DOCK1: variants seen among roughly 807,000 people sequenced by gnomAD.
The protein encoded by DOCK1 is dedicator of cytokinesis 1.
In DOCK1, 138 loss-of-function variants were observed where a neutral mutation model predicts 262.7. The observed-to-expected ratio is 0.53, with a 90% CI of 0.46 to 0.61. DOCK1 has a LOEUF of 0.61. DOCK1 is among the 20% of genes least tolerant of loss of function. The probability of loss-of-function intolerance (pLI) is 0.00; values close to 1 mark genes in which losing one functional copy is unlikely to be tolerated. For missense variants in DOCK1, 1,908 were observed against 2,370.7 expected (o/e 0.80, Z 4.05); for synonymous variants, 866 against 867.4 (o/e 1.00, Z 0.03).
At chr10:127,048,738 T>C (rs1564761865) in intron 21 of DOCK1, among the ~76,000 whole-genome samples, 1 of 152,226 alleles carries the variant, frequency 6.6e-6, no homozygotes, top group Non-Finnish European at 1.5e-5. Context: ...CAGGTTTCCA[T>C]CACTGTAGAA....
intron 27 of DOCK1, chr10:127,137,695 G>A (rs752089894): frequency 2.6e-5 from 18 of 685,056 alleles, no homozygotes; most frequent in Non-Finnish European, 4.4e-5. Flanking sequence ...TGGTACAAAG[G>A]CCTTTTTGGT....
intron 29 of DOCK1, among the ~76,000 whole-genome samples, chr10:127,278,705 A>C (rs574330140): frequency 6.6e-6 from 1 of 152,292 alleles, no homozygotes; most frequent in Non-Finnish European, 1.5e-5. Context: ...AGAGGAACTT[A>C]ACTTTGTTTT....
At chr10:127,239,585 T>C (rs2059190702) in intron 27 of DOCK1, among the ~76,000 whole-genome samples, 2 of 152,174 alleles carry the variant, frequency 1.3e-5, no homozygotes, top group Non-Finnish European at 2.9e-5. Context: ...ACAATGATAA[T>C]TGTAGTGTCC....
intron 51 of DOCK1, among the ~76,000 whole-genome samples, chr10:127,449,302 T>G (rs952940154): frequency 1.3e-5 from 2 of 152,110 alleles, no homozygotes; most frequent in Non-Finnish European, 2.9e-5. Flanking sequence ...GGTCACATTC[T>G]CTTCTCTCTA....
intron 28 of DOCK1, among the ~76,000 whole-genome samples, chr10:127,252,142 G>A (rs61872145): frequency 2.1e-5 from 3 of 141,772 alleles, no homozygotes; most frequent in African/African-American, 5.0e-5. Flanking sequence ...GCCAGTGATG[G>A]TGAGCATTTT....
rs1348695184 is a variant in DOCK1, at chr10:127,397,162, A to G, written c.3928-5893A>G. On this transcript the variant is annotated intron_variant, in intron 38 of 51. Coordinates refer to ENST00000623213, the MANE Select transcript of DOCK1 (RefSeq NM_001290223.2). ...ATCAGTTACACGGGCAGCGACTCCT[A>G]TGTGATCTGAGCATGAGTTACACGG... Among the ~76,000 whole-genome samples, 3 of 135,852 alleles carry G rather than the reference A, an allele frequency of 2.2e-5. No individual in the cohort carries two copies. The Admixed American group carries it at 2.2e-4, about 10-fold the overall frequency. The allele number at this position is 135,852 out of a possible 152,430, so 89.1% of individuals were successfully genotyped here.
chr10:127,334,628 A>T (rs932299755), intron 29 of DOCK1, among the ~76,000 whole-genome samples: 1 of 152,190 alleles, frequency 6.6e-6, no homozygotes, highest in Admixed American at 6.5e-5. Flanking sequence ...TTAGGTTGAC[A>T]TAATTTGCCT....
intron 38 of DOCK1, among the ~76,000 whole-genome samples, chr10:127,390,599 A>G (rs12266761): frequency 0.3 from 46,345 of 151,978 alleles, 7,482 homozygotes; most frequent in Admixed American, 0.46. Flanking sequence ...GAAGGCAGCC[A>G]TCTACAAGCC....
At chr10:127,041,971 T>G (rs2044046233) in intron 19 of DOCK1, among the ~76,000 whole-genome samples, 1 of 152,240 alleles carries the variant, frequency 6.6e-6, no homozygotes. Context: ...GACTTGAAGC[T>G]GACTTGTAGT....
At chr10:127,268,881 G>A (rs2060467649) in intron 29 of DOCK1, among the ~76,000 whole-genome samples, 1 of 152,132 alleles carries the variant, frequency 6.6e-6, no homozygotes, top group African/African-American at 2.4e-5. Flanking sequence ...TGGGACACAC[G>A]TTGAAAATAT....
intron 26 of DOCK1, 41 bp from the exon 27 acceptor site, chr10:127,127,628 G>A (rs371893480): frequency 7.3e-6 from 11 of 1,514,410 alleles, no homozygotes; most frequent in Non-Finnish European, 9.1e-6. Context: ...GCATGTTAAT[G>A]TTTCTCTGGT....
intron 23 of DOCK1, among the ~76,000 whole-genome samples, chr10:127,092,895 A>C (rs1354117100): frequency 6.6e-6 from 1 of 152,180 alleles, no homozygotes; most frequent in East Asian, 1.9e-4. Flanking sequence ...TAAGTGTCTC[A>C]TGGGGTGGGG....
At chr10:127,155,750 A>G (rs1009081298) in intron 27 of DOCK1, among the ~76,000 whole-genome samples, 13 of 152,126 alleles carry the variant, frequency 8.5e-5, no homozygotes, top group African/African-American at 2.7e-4. Context: ...CTCTTGCCCT[A>G]TATAGACTTA....
At position 127,445,854 on chromosome 10, in the gene DOCK1, G is replaced by A. The variant is rs1006005261; in HGVS notation, c.5414-1540G>A. On this transcript the variant is annotated intron_variant, in intron 50 of 51. Transcript: ENST00000623213. The stretch of plus-strand genomic sequence containing the variant: ...GTAGAAAGGAGTGAAGTTCTGACAC[G>A]TGCTACAGCACGGACGAACCTCAGA... Among the ~76,000 whole-genome samples, 11 of 152,246 alleles carry A rather than the reference G, an allele frequency of 7.2e-5. 1 individual carries two copies. Among genetic ancestry groups the A allele is most frequent in the African/African-American group, 2.2e-4 (9 of 41,470 alleles).
chr10:127,184,297 G>A (rs1021702464), intron 27 of DOCK1, among the ~76,000 whole-genome samples: 1 of 151,856 alleles, frequency 6.6e-6, no homozygotes, highest in Non-Finnish European at 1.5e-5. Flanking sequence ...TGCTGCCAAC[G>A]GCTTGCTCAA....
intron 33 of DOCK1, among the ~76,000 whole-genome samples, chr10:127,373,327 A>G (rs1472404763): frequency 1.4e-5 from 2 of 146,450 alleles, no homozygotes; most frequent in Non-Finnish European, 3.0e-5. Context: ...CTATCAAGGA[A>G]TGGCAGCTAA....
intron 38 of DOCK1, among the ~76,000 whole-genome samples, chr10:127,397,092 T>C (rs1468675205): frequency 3.5e-5 from 5 of 142,502 alleles, no homozygotes; most frequent in African/African-American, 5.5e-5. Context: ...TCCTATGTGA[T>C]CTGAGCATCA....
chr10:126,990,593 T>G lies in DOCK1; in HGVS notation c.463T>G (p.Tyr155Asp), dbSNP rs145105617. The change falls in exon 6 of 52, where the codon TAT becomes GAT. Residue 155 changes from tyrosine to aspartate, a missense_variant. This residue lies in a region of DOCK1 where 227 missense variants were observed against 254.1 expected (regional missense o/e 0.89). Transcript: ENST00000623213. ...LKKKVTAKID[Y>D]GNRILDLDLV... Reference sequence around the variant, plus strand: ...GAAGAAGGTCACAGCCAAAATTGATTATGGAAACAGGTTTGTTTATTTGAA... The same window carrying G: ...GAAGAAGGTCACAGCCAAAATTGATGATGGAAACAGGTTTGTTTATTTGAA... The G allele has an allele frequency of 1.2e-6, 2 of 1,613,672 alleles. No individual in the cohort carries two copies. Among genetic ancestry groups the G allele is most frequent in the Non-Finnish European group, 1.7e-6 (2 of 1,179,786 alleles).
intron 32 of DOCK1, among the ~76,000 whole-genome samples, chr10:127,361,382 G>A (rs925905051): frequency 6.6e-6 from 1 of 152,084 alleles, no homozygotes; most frequent in Admixed American, 6.5e-5. Flanking sequence ...CCAAAGTGCT[G>A]GGATTACAGG....
Sources: allele counts gnomAD v4.1 joint callset (sites outside exome capture counted in the v4.1 genomes callset), GRCh38; gene constraint gnomAD v4.1.1; regional missense constraint gnomAD v4.1.1; transcripts MANE v1.5; gene names NCBI Gene and HGNC (gene_info 2026-07-23, HGNC 2026-07-21).